The following CACNA2D3 variants were observed in gnomAD, a reference collection of about 807,000 sequenced individuals.
CACNA2D3 encodes the protein voltage-dependent calcium channel subunit alpha-2/delta-3.
Under a neutral mutation model 160.6 loss-of-function variants are expected in CACNA2D3, and 60 were observed. The ratio of observed to expected loss-of-function variants is 0.37; its 90% CI spans 0.30 to 0.46. The LOEUF is 0.46. Among genes scored for constraint, CACNA2D3 ranks in the 20% least tolerant of loss-of-function variants. The pLI is 1.00. For missense variants in CACNA2D3, 1,205 were observed against 1,365.0 expected (o/e 0.88, Z 1.85); for synonymous variants, 558 against 492.9 (o/e 1.13, Z -1.75).
chr3:54,546,315 C>T (rs2106674681), intron 5 of CACNA2D3, among the ~76,000 whole-genome samples: 1 of 152,244 alleles, frequency 6.6e-6, no homozygotes, highest in East Asian at 1.9e-4. Context: ...GTTCCTTGGG[C>T]TAATATTTTG....
chr3:54,585,973 A>G (rs1439464958), intron 9 of CACNA2D3, among the ~76,000 whole-genome samples: 1 of 151,508 alleles, frequency 6.6e-6, no homozygotes, highest in Non-Finnish European at 1.5e-5. Context: ...ACTATAAGAA[A>G]CTCATTTGAG....
At chr3:54,241,327 A>G (rs1701970201) in intron 2 of CACNA2D3, among the ~76,000 whole-genome samples, 1 of 152,174 alleles carries the variant, frequency 6.6e-6, no homozygotes. Flanking sequence ...AGCTGTATAT[A>G]ATCCTTATAG....
intron 2 of CACNA2D3, among the ~76,000 whole-genome samples, chr3:54,153,914 A>G (rs1009432487): frequency 6.6e-6 from 1 of 152,234 alleles, no homozygotes; most frequent in Non-Finnish European, 1.5e-5. Context: ...GAAATGCAAT[A>G]TAAAGCCCTT....
At chr3:54,471,114 T>C (rs752447044) in intron 4 of CACNA2D3, among the ~76,000 whole-genome samples, 6 of 152,186 alleles carry the variant, frequency 3.9e-5, no homozygotes, top group African/African-American at 7.2e-5. Context: ...TACATCCTTC[T>C]CAGCACCACA....
In CACNA2D3 at chr3:55,074,192, CTCTTCTCAAGGTGACACTGACTGAGATGT is replaced by C; in HGVS notation, c.3266_*18del. ...CCTTCTGCTCCCTCTGCTTTTGATG[CTCTTCTCAAGGTGACACTGACTGAGATGT>C]TCTCTTACTGACTGAGATGTTCTCT... On this transcript the variant is annotated stop_lost and 3_prime_UTR_variant, in exon 38 of 38. Transcript: ENST00000474759. The C allele has an allele frequency of 6.2e-7, 1 of 1,613,422 alleles. No homozygotes were observed. Among genetic ancestry groups the C allele is most frequent in the Non-Finnish European group, 8.5e-7 (1 of 1,179,478 alleles).
intron 9 of CACNA2D3, among the ~76,000 whole-genome samples, chr3:54,589,470 G>T (rs1702821281): frequency 6.6e-6 from 1 of 151,876 alleles, no homozygotes; most frequent in Non-Finnish European, 1.5e-5. Context: ...TCTTCAAGAT[G>T]TAGGGCTAGG....
intron 9 of CACNA2D3, among the ~76,000 whole-genome samples, chr3:54,612,752 A>C (rs2106791127): frequency 6.6e-6 from 1 of 152,332 alleles, no homozygotes; most frequent in South Asian, 2.1e-4. Context: ...GGGAAGGGAT[A>C]AGACCAGCGG....
chr3:54,311,491 C>G (rs1703742147), intron 2 of CACNA2D3, among the ~76,000 whole-genome samples: 1 of 152,168 alleles, frequency 6.6e-6, no homozygotes, highest in South Asian at 2.1e-4. Context: ...CATTTTACAT[C>G]CCGTGATCCT....
At chr3:54,689,010 A>AAAAAAAAAAGAGAG in intron 11 of CACNA2D3, among the ~76,000 whole-genome samples, 1 of 85,496 alleles carries the variant, frequency 1.2e-5, no homozygotes, top group African/African-American at 4.3e-5. Flanking sequence ...AAAAAAAAAA[A>AAAAAAAAAAGAGAG]AGAATGAGGT....
chr3:54,614,573 A>AT (rs1324854233), intron 9 of CACNA2D3, among the ~76,000 whole-genome samples: 1 of 151,962 alleles, frequency 6.6e-6, no homozygotes, highest in Non-Finnish European at 1.5e-5. Flanking sequence ...CTCTTCAGTT[A>AT]TTTTTTTCTC....
chr3:54,238,031 G>T (rs1296551246), intron 2 of CACNA2D3, among the ~76,000 whole-genome samples: 1 of 152,196 alleles, frequency 6.6e-6, no homozygotes, highest in Non-Finnish European at 1.5e-5. Context: ...TCTTGCAGCA[G>T]CCCTTGATGC....
rs183864248 is a variant in CACNA2D3 at position 54,719,634 on chromosome 3, T to G, written c.1168-32965T>G. On this transcript the variant is annotated intron_variant, in intron 11 of 37. Transcript: ENST00000474759. ...CCTTTTTGTAATGCTGTTTTCAGCTTTTTTTATTAGGGTATGCTGGCCTCA... is the reference window on the plus strand; with the variant it reads ...CCTTTTTGTAATGCTGTTTTCAGCTGTTTTTATTAGGGTATGCTGGCCTCA... Among the ~76,000 whole-genome samples the G allele has an allele frequency of 1.1e-4, 17 of 152,128 alleles. No homozygotes were observed. In the East Asian group the frequency reaches 3.3e-3, roughly 29 times the overall value.
chr3:54,850,271 G>A (rs1175748476), intron 17 of CACNA2D3, among the ~76,000 whole-genome samples: 2 of 152,188 alleles, frequency 1.3e-5, no homozygotes, highest in Non-Finnish European at 2.9e-5. Context: ...GGGCCGGGGG[G>A]CTGCAGCACA....
intron 3 of CACNA2D3, among the ~76,000 whole-genome samples, chr3:54,382,329 T>A (rs1699116696): frequency 6.6e-6 from 1 of 152,228 alleles, no homozygotes; most frequent in African/African-American, 2.4e-5. Flanking sequence ...AGATTTGTTT[T>A]AAAAACGTAT....
chr3:54,143,137 T>C (rs1027730002), intron 2 of CACNA2D3, among the ~76,000 whole-genome samples: 13 of 152,220 alleles, frequency 8.5e-5, no homozygotes, highest in Non-Finnish European at 1.9e-4. Flanking sequence ...AACTGCTTGG[T>C]TCTGGCCAAA....
At chr3:54,599,401 C>T (rs1333189661) in intron 9 of CACNA2D3, among the ~76,000 whole-genome samples, 3 of 152,186 alleles carry the variant, frequency 2.0e-5, no homozygotes, top group Non-Finnish European at 4.4e-5. Flanking sequence ...CATGTGAATA[C>T]AGCCTGACAA....
intron 11 of CACNA2D3, among the ~76,000 whole-genome samples, chr3:54,723,157 G>A (rs1261559060): frequency 6.6e-6 from 1 of 152,218 alleles, no homozygotes; most frequent in Non-Finnish European, 1.5e-5. Context: ...GCTACACCTA[G>A]TTCAAACTTC....
chr3:54,346,675 T>TA (rs1447370119), intron 3 of CACNA2D3, among the ~76,000 whole-genome samples: 18 of 152,334 alleles, frequency 1.2e-4, no homozygotes, highest in African/African-American at 4.1e-4. Flanking sequence ...ATCAAACAAA[T>TA]ACTGATACAA....
chr3:55,052,300 T>C (rs1026763493), intron 35 of CACNA2D3, among the ~76,000 whole-genome samples: 10 of 152,200 alleles, frequency 6.6e-5, no homozygotes, highest in African/African-American at 2.2e-4. Flanking sequence ...GAGCATTCTT[T>C]GTATAATTTT....
Sources: gnomAD v4.1 joint callset for allele counts (sites outside exome capture counted in the v4.1 genomes callset) on GRCh38, gnomAD v4.1.1 for gene constraint, MANE v1.5 for transcripts, NCBI Gene and HGNC (gene_info 2026-07-23, HGNC 2026-07-21) for gene names.